The following CNOT10 variants were observed in gnomAD, a reference collection of about 807,000 sequenced individuals.
CNOT10 encodes the protein CCR4-NOT transcription complex subunit 10.
Under a neutral mutation model 94.6 loss-of-function variants are expected in CNOT10, and 30 were observed. That is an observed-to-expected ratio of 0.32 (90% confidence interval 0.24 to 0.43). CNOT10 has a LOEUF of 0.43. Among genes scored for constraint, CNOT10 ranks in the 20% least tolerant of loss-of-function variants. CNOT10 has a pLI of 1.00. For synonymous variants in CNOT10, 289 were observed against 301.6 expected (o/e 0.96, Z 0.43); for missense variants, 759 against 877.2 (o/e 0.87, Z 1.70).
intron 1 of CNOT10, among the ~76,000 whole-genome samples, chr3:32,699,414 A>G (rs978154792): frequency 3.9e-5 from 6 of 152,186 alleles, no homozygotes; most frequent in Admixed American, 2.0e-4. Flanking sequence ...ATTTCTAGAC[A>G]TTTAGTATTA....
chr3:32,770,582 C>A (rs1266344143), intron 18 of CNOT10, among the ~76,000 whole-genome samples: 3 of 152,086 alleles, frequency 2.0e-5, no homozygotes, highest in Non-Finnish European at 4.4e-5. Flanking sequence ...ACCTCGGCCT[C>A]CCAAAGTGCT....
At chr3:32,737,634 C>A (rs1699246091) in intron 13 of CNOT10, 144 bp downstream of exon 13, 14 of 511,650 alleles carry the variant, frequency 2.7e-5, no homozygotes, top group Non-Finnish European at 4.9e-5. Flanking sequence ...ACCAGCCTGG[C>A]CAAGATAGTG....
chr3:32,685,612 C>T (rs1009964348), intron 1 of CNOT10, 130 bp downstream of exon 1: 8 of 992,326 alleles, frequency 8.1e-6, no homozygotes, highest in Non-Finnish European at 1.2e-5. Flanking sequence ...ATTTCTTTAC[C>T]CCATCCTCTG....
chr3:32,685,340 T>TG lies in CNOT10; in HGVS notation c.-116dup. The TG allele has an allele frequency of 8.3e-7, 1 of 1,202,288 alleles. No homozygotes were observed. Among genetic ancestry groups the TG allele is most frequent in the Non-Finnish European group, 1.2e-6 (1 of 838,556 alleles). The allele number at this position is 1,202,288 out of a possible 1,614,324, so 74.5% of individuals were successfully genotyped here. ...TCTGCCCACTCCTCTAGCCGGAACC[T>TG]GGGGGCCCGGAGCCGGGGTAGGCAC... On this transcript the variant is annotated 5_prime_UTR_variant, in exon 1 of 19. Coordinates refer to ENST00000328834, the MANE Select transcript of CNOT10 (RefSeq NM_015442.3).
At chr3:32,742,410 C>T (rs1315273439) in intron 13 of CNOT10, among the ~76,000 whole-genome samples, 2 of 149,714 alleles carry the variant, frequency 1.3e-5, no homozygotes, top group Non-Finnish European at 3.0e-5. Context: ...CTGAGACAGT[C>T]TTGCTGTGTT....
chr3:32,720,603 C>A (rs1698330616), intron 8 of CNOT10, among the ~76,000 whole-genome samples: 1 of 151,908 alleles, frequency 6.6e-6, no homozygotes, highest in Non-Finnish European at 1.5e-5. Context: ...AGCGATCCTC[C>A]CACCTCACCC....
intron 17 of CNOT10, among the ~76,000 whole-genome samples, chr3:32,766,003 A>ATT (rs755221571): frequency 1.8e-4 from 6 of 33,366 alleles, no homozygotes; most frequent in Non-Finnish European, 2.4e-4. Flanking sequence ...TATGCTTTTA[A>ATT]TTTTTTTTTT....
Position 32,687,457 on chromosome 3 carries a change from T to TTTTTTTTTG in CNOT10, c.22+1983_22+1984insGTTTTTTTT, listed in dbSNP as rs1696668001. Reference sequence around the variant, plus strand: ...CCTCACGGTTTTTTTTTTTTGTTTTTTTTTTTTTTTTTGAGACGGAGTCTC... The same window carrying TTTTTTTTTG: ...CCTCACGGTTTTTTTTTTTTGTTTTTTTTTTTTTGTTTTTTTTTTTTGAGACGGAGTCTC... On this transcript the variant is annotated intron_variant, in intron 1 of 18. Transcript: ENST00000328834. 4.8e-5 allele frequency among the ~76,000 whole-genome samples: 5 copies of TTTTTTTTTG among 103,104 alleles called. 1 individual carries two copies. Among genetic ancestry groups the TTTTTTTTTG allele is most frequent in the African/African-American group, 1.3e-4 (4 of 29,708 alleles). The allele number at this position is 103,104 out of a possible 152,430, so 67.6% of individuals were successfully genotyped here. A position where few individuals can be genotyped will look rare whatever the true frequency, so the allele number is the denominator to read the frequency against.
At position 32,764,762 on chromosome 3, in the gene CNOT10, T is replaced by TA. The variant is rs772637970; in HGVS notation, c.1958dup (p.Tyr653Ter). Residue 653 changes from tyrosine (Y) to a stop codon, truncating the protein, a stop_gained and frameshift_variant, in exon 17 of 19, where the codon TAC (tyrosine) becomes TAAC (stop). Coordinates refer to ENST00000328834, the MANE Select transcript of CNOT10 (RefSeq NM_015442.3). LOFTEE classifies it high-confidence loss of function. ...GATGCTGTTCAACCTTGGCAGCGCT[T>TA]ACTGCCTGAGGAGCGAATATGACAA... ...TVMLFNLGSA[Y>*]CLRSEYDKAR... The TA allele has an allele frequency of 6.2e-7, 1 of 1,614,192 alleles. No homozygotes were observed.
intron 8 of CNOT10, among the ~76,000 whole-genome samples, chr3:32,722,894 G>A (rs1373022493): frequency 3.3e-5 from 5 of 152,014 alleles, no homozygotes; most frequent in Non-Finnish European, 7.4e-5. Context: ...CAAAGTGCTG[G>A]AATTGTAGGT....
chr3:32,752,968 A>G, intron 13 of CNOT10: 2 of 455,266 alleles, frequency 4.4e-6, no homozygotes, highest in Non-Finnish European at 8.6e-6. Flanking sequence ...AGCTTCTTGG[A>G]TACTCTAATC....
In CNOT10 at chr3:32,737,267, A is replaced by T. The variant is rs539580078; in HGVS notation, c.1515-143A>T. The T allele has an allele frequency of 6.3e-5, 35 of 554,698 alleles. No homozygotes were observed. The South Asian group carries it at 7.7e-4, about 12-fold the overall frequency. The allele number at this position is 554,698 out of a possible 1,614,324, so 34.4% of individuals were successfully genotyped here. A position where few individuals can be genotyped will look rare whatever the true frequency, so the allele number is the denominator to read the frequency against. ...GAGGCAGAGGTTGCAGTGAGTTGAG[A>T]TCGTGCAATTGCACTCCATCCTGAG... On this transcript the variant is annotated intron_variant, in intron 12 of 18. Transcript: ENST00000328834.
At position 32,734,926 on chromosome 3, in the gene CNOT10, T is replaced by C; in HGVS notation, c.1464T>C (p.Ser488=). The change falls in exon 12 of 19, where the codon AGT becomes AGC. Residue 488 remains serine, a synonymous_variant. Transcript: ENST00000328834. The part of the protein sequence containing the change: ...DPKQENGAKN[S]NQLGGNTESS... ...AGCAGGAAAATGGGGCTAAAAATAG[T>C]AATCAATTAGGTGGGAACACAGAGA... is the stretch of plus-strand genomic sequence containing the variant. 1.2e-6 allele frequency: 2 copies of C among 1,614,096 alleles called. No homozygotes were observed. Among genetic ancestry groups the C allele is most frequent in the South Asian group, 1.1e-5 (1 of 91,090 alleles).
At chr3:32,766,995 G>T (rs1700673710) in intron 17 of CNOT10, among the ~76,000 whole-genome samples, 2 of 152,208 alleles carry the variant, frequency 1.3e-5, no homozygotes, top group Admixed American at 6.5e-5. Context: ...GAATAAGACT[G>T]CACATAAGCA....
intron 9 of CNOT10, among the ~76,000 whole-genome samples, chr3:32,727,128 A>G (rs1206743272): frequency 6.6e-6 from 1 of 151,974 alleles, no homozygotes; most frequent in Admixed American, 6.6e-5. Flanking sequence ...TACAGGCGTG[A>G]GCCACTGTGC....
Position 32,708,782 on chromosome 3 carries a change from C to T in CNOT10, c.392C>T (p.Ser131Leu), listed in dbSNP as rs1409595104. ...CTGCGGCAGTATACAGAAGCCATAT[C>T]AGTTGGTGAAAAACTTTATCAGTTC... ...YHLRQYTEAI[S>L]VGEKLYQFIE... Residue 131 changes from serine (S) to leucine (L), a missense_variant, in exon 4 of 19, where the codon TCA (serine) becomes TTA (leucine). By Grantham distance (145) the Ser-to-Leu change is moderately radical. Coordinates refer to ENST00000328834, the MANE Select transcript of CNOT10 (RefSeq NM_015442.3). 6.2e-7 allele frequency: 1 copy of T among 1,612,758 alleles called. No homozygotes were observed.
chr3:32,695,976 T>A (rs1370184643), intron 1 of CNOT10: 295 of 272,608 alleles, frequency 1.1e-3, no homozygotes, highest in Non-Finnish European at 1.5e-3. Context: ...AGAGTGTGTG[T>A]GTGTGTGTGT....
At chr3:32,720,009 T>C in intron 7 of CNOT10, 105 bp from the exon 8 acceptor site, 1 of 514,610 alleles carries the variant, frequency 1.9e-6, no homozygotes, top group Non-Finnish European at 3.5e-6. Context: ...ACTGACTTAA[T>C]TGATTCATTT....
chr3:32,727,656 T>A lies in CNOT10; in HGVS notation c.1013-12T>A, dbSNP rs1407198399. On this transcript the variant is annotated splice_polypyrimidine_tract_variant and intron_variant, in intron 9 of 18. Coordinates refer to ENST00000328834, the MANE Select transcript of CNOT10 (RefSeq NM_015442.3). The stretch of plus-strand genomic sequence containing the variant: ...ATCTAATGATGTATTCTTATCTAAT[T>A]TTTATCACTAGGTAAAAAATTTTCA... 6.4e-7 allele frequency: 1 copy of A among 1,555,770 alleles called. No individual in the cohort carries two copies. The highest frequency in any genetic ancestry group is 2.2e-5 in the East Asian group (1 of 44,596).
Sources: allele counts gnomAD v4.1 joint callset (sites outside exome capture counted in the v4.1 genomes callset), GRCh38; gene constraint gnomAD v4.1.1; transcripts MANE v1.5; gene names NCBI Gene and HGNC (gene_info 2026-07-23, HGNC 2026-07-21).